Variants in CCDC60 observed in about 807,000 individuals in gnomAD.
CCDC60 encodes coiled-coil domain-containing protein 60.
In CCDC60, 54 loss-of-function variants were observed where a neutral mutation model predicts 63.5. That is an observed-to-expected ratio of 0.85 (90% CI 0.68 to 1.07). The LOEUF is 1.07. CCDC60 is among the 50% of genes least tolerant of loss of function. The probability of loss-of-function intolerance (pLI) is 0.00; values close to 1 mark genes in which losing one functional copy is unlikely to be tolerated. For synonymous variants in CCDC60, 206 were observed against 238.8 expected, an observed-to-expected ratio of 0.86 and a Z score of 1.27; for missense variants, 651 against 684.3, an observed-to-expected ratio of 0.95 and a Z score of 0.54.
intron 5 of CCDC60, among the ~76,000 whole-genome samples, chr12:119,493,003 C>T (rs1951624586): frequency 6.7e-6 from 1 of 148,960 alleles, no homozygotes; most frequent in Admixed American, 6.6e-5. Context: ...GACAAGTATG[C>T]AAACAGGGAA....
chr12:119,477,935 G>GGAGA (rs368475876), intron 3 of CCDC60, among the ~76,000 whole-genome samples: 1 of 151,630 alleles, frequency 6.6e-6, no homozygotes, highest in Non-Finnish European at 1.5e-5. Flanking sequence ...GAGAGAGAGA[G>GGAGA]GAGAGAGAGA....
intron 1 of CCDC60, among the ~76,000 whole-genome samples, chr12:119,424,006 T>C (rs918513089): frequency 3.9e-5 from 6 of 152,202 alleles, no homozygotes; most frequent in African/African-American, 9.6e-5. Flanking sequence ...AATTAATCTA[T>C]GTGAATTGTA....
chr12:119,521,637 G>A (rs1470535018), intron 9 of CCDC60, among the ~76,000 whole-genome samples: 3 of 152,136 alleles, frequency 2.0e-5, no homozygotes, highest in African/African-American at 4.8e-5. Context: ...GAAACTCAAA[G>A]AGGGCCAGGT....
rs185288463 is a variant in CCDC60, at chr12:119,425,115, A to T, written c.91-3568A>T. Among the ~76,000 whole-genome samples, 551 of 152,360 alleles carry T rather than the reference A, an allele frequency of 3.6e-3. 13 individuals are homozygous for T. Among genetic ancestry groups the T allele is most frequent in the Non-Finnish European group, 9.0e-4 (61 of 68,038 alleles). On this transcript the variant is annotated intron_variant, in intron 1 of 13. Coordinates refer to ENST00000327554, the MANE Select transcript of CCDC60 (RefSeq NM_178499.5). ...AGAGTGGTACAGACATGACCGTGGC[A>T]TAAAACAGGGTTTCAATCATGTGTT...
intron 1 of CCDC60, among the ~76,000 whole-genome samples, chr12:119,374,989 T>C (rs1955936341): frequency 6.6e-6 from 1 of 152,184 alleles, no homozygotes; most frequent in Non-Finnish European, 1.5e-5. Context: ...CCTTACCGCA[T>C]ACTGTATTAT....
At chr12:119,483,926 G>A (rs1951381227) in intron 4 of CCDC60, among the ~76,000 whole-genome samples, 1 of 150,266 alleles carries the variant, frequency 6.7e-6, no homozygotes, top group South Asian at 2.1e-4. Context: ...TATCAAGCAT[G>A]CTTCTGGGGA....
Position 119,500,182 on chromosome 12 carries a change from C to T in CCDC60, c.648+14C>T, listed in dbSNP as rs202186474. ...ACAGCGCCAAAGGTAACCAACAACA[C>T]GCGACTCAACCCTTTGGCTCCTAGG... On this transcript the variant is annotated intron_variant, in intron 6 of 13. Transcript: ENST00000327554. 2.3e-5 allele frequency: 36 copies of T among 1,537,620 alleles called. No homozygotes were observed. In the Admixed American group the frequency reaches 2.6e-4, roughly 11 times the overall value.
chr12:119,493,250 G>A (rs1027706680), intron 5 of CCDC60, among the ~76,000 whole-genome samples: 12 of 152,130 alleles, frequency 7.9e-5, no homozygotes, highest in Non-Finnish European at 4.4e-5. Context: ...GTAGATCCCA[G>A]AGGCTCCATT....
rs190718025 is a variant in CCDC60, at chr12:119,384,723, G to T, written c.91-43960G>T. ...GAGCAACTTGTTGGACATCCTTAGG[G>T]CCCCTTAATGACCCTGTGTTTGCAG... On this transcript the variant is annotated intron_variant, in intron 1 of 13. Transcript: ENST00000327554. 3.3e-4 allele frequency among the ~76,000 whole-genome samples: 51 copies of T among 152,306 alleles called. 1 individual carries two copies. Among genetic ancestry groups the T allele is most frequent in the Admixed American group, 3.1e-3 (47 of 15,300 alleles).
chr12:119,519,091 A>C (rs1423054395), intron 8 of CCDC60, among the ~76,000 whole-genome samples: 3 of 152,182 alleles, frequency 2.0e-5, no homozygotes, highest in Non-Finnish European at 4.4e-5. Context: ...AAGCTGGAAA[A>C]GCTGCAGATT....
At position 119,408,923 on chromosome 12, in the gene CCDC60, A is replaced by G. The variant is rs537044169; in HGVS notation, c.91-19760A>G. On this transcript the variant is annotated intron_variant, in intron 1 of 13. Coordinates refer to ENST00000327554, the MANE Select transcript of CCDC60 (RefSeq NM_178499.5). Reference sequence around the variant, plus strand: ...GACCTCTCCCAAAGAGAAGCTCACAACTTGGAAGCTGGTTTTCCCCAGATC... The same window carrying G: ...GACCTCTCCCAAAGAGAAGCTCACAGCTTGGAAGCTGGTTTTCCCCAGATC... Among the ~76,000 whole-genome samples, 3 of 152,358 alleles carry G rather than the reference A, an allele frequency of 2.0e-5. No homozygotes were observed. The East Asian group carries it at 5.8e-4, about 29-fold the overall frequency.
At chr12:119,389,871 T>C (rs1245465333) in intron 1 of CCDC60, among the ~76,000 whole-genome samples, 19 of 152,212 alleles carry the variant, frequency 1.2e-4, no homozygotes, top group Non-Finnish European at 4.4e-5. Flanking sequence ...GGCTGATGAA[T>C]TGAAAACTAA....
At chr12:119,381,965 G>C (rs1381323200) in intron 1 of CCDC60, among the ~76,000 whole-genome samples, 1 of 152,210 alleles carries the variant, frequency 6.6e-6, no homozygotes, top group Admixed American at 6.5e-5. Context: ...GCACAAAGCA[G>C]GCTGGCTCTT....
intron 5 of CCDC60, among the ~76,000 whole-genome samples, chr12:119,492,905 A>G (rs983217357): frequency 1.3e-5 from 2 of 152,244 alleles, no homozygotes; most frequent in Admixed American, 6.5e-5. Context: ...TACGATTATC[A>G]GTACCATTGA....
At position 119,407,143 on chromosome 12, in the gene CCDC60, G is replaced by A. The variant is rs376561254; in HGVS notation, c.91-21540G>A. ...CATGAATGTCCCATCCAGGTGGGGTGTGTGTACGTAAATGGAGCATAACAC... is the reference window on the plus strand; with the variant it reads ...CATGAATGTCCCATCCAGGTGGGGTATGTGTACGTAAATGGAGCATAACAC... On this transcript the variant is annotated intron_variant, in intron 1 of 13. Coordinates refer to ENST00000327554, the MANE Select transcript of CCDC60 (RefSeq NM_178499.5). Among the ~76,000 whole-genome samples the A allele has an allele frequency of 4.1e-3, 625 of 152,254 alleles. 4 individuals carry two copies. The highest frequency in any genetic ancestry group is 7.5e-3 in the Non-Finnish European group (511 of 68,016).
intron 1 of CCDC60, among the ~76,000 whole-genome samples, chr12:119,346,809 TTTCTTTCTTTCTTTCTTTCTTTC>T (rs1955600137): frequency 4.6e-5 from 6 of 131,308 alleles, no homozygotes; most frequent in South Asian, 2.5e-4. Context: ...TCTTTCTTTC[TTTCTTTCTTTCTTTCTTTCTTTC>T]TTTTTTTTTT....
chr12:119,391,797 T>C (rs1956164811), intron 1 of CCDC60, among the ~76,000 whole-genome samples: 1 of 152,200 alleles, frequency 6.6e-6, no homozygotes, highest in Non-Finnish European at 1.5e-5. Flanking sequence ...GTCCAGTATC[T>C]TTTTCTTCCT....
chr12:119,458,311 T>C (rs749682292), intron 2 of CCDC60, among the ~76,000 whole-genome samples: 23 of 152,394 alleles, frequency 1.5e-4, no homozygotes, highest in Non-Finnish European at 2.8e-4. Context: ...AATGTCATTC[T>C]GCCTTTCCCG....
chr12:119,502,854 C>A (rs1951888983), intron 6 of CCDC60, among the ~76,000 whole-genome samples: 1 of 152,168 alleles, frequency 6.6e-6, no homozygotes, highest in Admixed American at 6.5e-5. Context: ...CTCATGCCAC[C>A]ATCTGTCCAC....
Sources: gnomAD v4.1 joint callset for allele counts (sites outside exome capture counted in the v4.1 genomes callset) on GRCh38, gnomAD v4.1.1 for gene constraint, MANE v1.5 for transcripts, NCBI Gene and HGNC (gene_info 2026-07-23, HGNC 2026-07-21) for gene names.